Variants in NSD1 observed in about 807,000 individuals in gnomAD.
NSD1 encodes histone-lysine N-methyltransferase, H3 lysine-36 specific.
A neutral mutation model predicts 242.7 loss-of-function variants in NSD1; 26 were observed. The ratio of observed to expected loss-of-function variants is 0.11; its 90% CI spans 0.08 to 0.15. The LOEUF is 0.15. Ranked by LOEUF, NSD1 falls within the 10% of genes least tolerant of loss-of-function variation. The pLI, the probability that NSD1 is intolerant of heterozygous loss-of-function variation, is 1.00. For missense variants in NSD1, 2,495 were observed against 3,272.8 expected, an observed-to-expected ratio of 0.76 and a Z score of 5.80; for synonymous variants, 1,106 against 1,178.1, an observed-to-expected ratio of 0.94 and a Z score of 1.25.
At position 177,252,800 on chromosome 5, in the gene NSD1, T is replaced by A. The variant is rs1756110251; in HGVS notation, c.4765+947T>A. On this transcript the variant is annotated intron_variant, in intron 12 of 22. Transcript: ENST00000439151. ...TGTTCTCTCGCTCTCTCTCTCCCTTTTTTTTTTTTTTTTCTTAGCATGATG... is the reference window on the plus strand; with the variant it reads ...TGTTCTCTCGCTCTCTCTCTCCCTTATTTTTTTTTTTTTCTTAGCATGATG... Among the ~76,000 whole-genome samples the A allele has an allele frequency of 2.0e-5, 3 of 150,358 alleles. No homozygotes were observed. In the South Asian group the frequency reaches 6.3e-4, roughly 32 times the overall value.
chr5:177,188,931 G>A (rs1365979633), intron 2 of NSD1, among the ~76,000 whole-genome samples: 3 of 152,106 alleles, frequency 2.0e-5, no homozygotes, highest in Non-Finnish European at 4.4e-5. Context: ...ATGTTGGTGA[G>A]CATTGGAACA....
chr5:177,197,521 C>T (rs1322776230), intron 3 of NSD1, among the ~76,000 whole-genome samples: 1 of 152,102 alleles, frequency 6.6e-6, no homozygotes, highest in Admixed American at 6.6e-5. Flanking sequence ...ACTTGGCAGG[C>T]TGAGGCAGGA....
intron 13 of NSD1, among the ~76,000 whole-genome samples, chr5:177,259,286 A>G (rs564212515): frequency 6.6e-6 from 1 of 152,282 alleles, no homozygotes; most frequent in Admixed American, 6.5e-5. Context: ...TCCTGGCCTC[A>G]TGGGTCTCAT....
intron 5 of NSD1, among the ~76,000 whole-genome samples, chr5:177,225,498 G>A (rs1399911844): frequency 6.6e-6 from 1 of 152,044 alleles, no homozygotes; most frequent in African/African-American, 2.4e-5. Context: ...GAACGTGACA[G>A]GTAGTTTCTT....
chr5:177,284,522 A>G (rs1278916726), intron 20 of NSD1, among the ~76,000 whole-genome samples: 1 of 151,976 alleles, frequency 6.6e-6, no homozygotes, highest in Non-Finnish European at 1.5e-5. Context: ...TCCTGGGCTC[A>G]AGTGATCCTC....
intron 20 of NSD1, among the ~76,000 whole-genome samples, chr5:177,288,243 G>A (rs1759493713): frequency 6.6e-6 from 1 of 152,158 alleles, no homozygotes; most frequent in Admixed American, 6.5e-5. Context: ...ACTGCTATGT[G>A]CATTTTGTCA....
Position 177,211,067 on chromosome 5 carries a change from T to G in NSD1, c.2668T>G (p.Phe890Val), listed in dbSNP as rs1763299227. The change falls in exon 5 of 23, where the codon TTC becomes GTC. Residue 890 changes from phenylalanine to valine, a missense_variant. Coordinates refer to ENST00000439151, the MANE Select transcript of NSD1 (RefSeq NM_022455.5). ...GTSKPSKPLL[F>V]SSASSQNHIP... ...ATCAAAGCCATCAAAACCATTACTT[T>G]TCTCTTCTGCTTCTAGTCAGAATCA... 2 of 1,614,212 alleles carry G rather than the reference T, an allele frequency of 1.2e-6. No individual in the cohort carries two copies. Among genetic ancestry groups the G allele is most frequent in the Non-Finnish European group, 1.7e-6 (2 of 1,180,044 alleles).
rs143438585 is a variant in NSD1, at chr5:177,226,223, T to C, written c.3797-9598T>C. On this transcript the variant is annotated intron_variant, in intron 5 of 22. Transcript: ENST00000439151. ...CACCACACCCGGTTAATTTTTGTAT[T>C]TTTGGTAGAGGTGAGGTTTCAGGTT... 3.5e-4 allele frequency among the ~76,000 whole-genome samples: 53 copies of C among 152,178 alleles called. 1 individual carries two copies. In the East Asian group the frequency reaches 0.01, roughly 29 times the overall value.
At chr5:177,237,645 G>T (rs1466111480) in intron 6 of NSD1, among the ~76,000 whole-genome samples, 1 of 146,596 alleles carries the variant, frequency 6.8e-6, no homozygotes, top group African/African-American at 2.5e-5. Flanking sequence ...CCATTCTCCT[G>T]CCTCAGCCTC....
rs1476084958 is a variant in NSD1, at chr5:177,264,151, T to G, written c.5147-3411T>G. 3.3e-5 allele frequency among the ~76,000 whole-genome samples: 5 copies of G among 150,520 alleles called. No homozygotes were observed. The Admixed American group carries it at 3.4e-4, about 10-fold the overall frequency. On this transcript the variant is annotated intron_variant, in intron 14 of 22. Coordinates refer to ENST00000439151, the MANE Select transcript of NSD1 (RefSeq NM_022455.5). ...CCCGGGTTCAAGCGATCCTCCTGCC[T>G]TAGCCTCCTGAGTAGCTGGGACTAC... is the stretch of plus-strand genomic sequence containing the variant.
At chr5:177,232,537 T>G (rs1396417577) in intron 5 of NSD1, among the ~76,000 whole-genome samples, 1 of 152,212 alleles carries the variant, frequency 6.6e-6, no homozygotes, top group African/African-American at 2.4e-5. Flanking sequence ...AAAACTATCC[T>G]TCCATCACCC....
Position 177,283,937 on chromosome 5 carries a change from C to A in NSD1, c.6151+9C>A. The A allele has an allele frequency of 2.5e-6, 4 of 1,614,150 alleles. No individual in the cohort carries two copies. The East Asian group carries it at 6.7e-5, about 27-fold the overall frequency. On this transcript the variant is annotated intron_variant, in intron 20 of 22. Coordinates refer to ENST00000439151, the MANE Select transcript of NSD1 (RefSeq NM_022455.5). ...AAGTGACATTAAAGCAGGTAAGAATCATTTCAGGATTCTGCAGCTGACATC... is the reference window on the plus strand; with the variant it reads ...AAGTGACATTAAAGCAGGTAAGAATAATTTCAGGATTCTGCAGCTGACATC...
chr5:177,146,261 A>G (rs1023096840), intron 2 of NSD1, among the ~76,000 whole-genome samples: 3 of 139,686 alleles, frequency 2.1e-5, no homozygotes, highest in African/African-American at 5.4e-5. Flanking sequence ...GCTAGAGTGC[A>G]GTGGCTCAAT....
chr5:177,218,069 T>C (rs931320776), intron 5 of NSD1, among the ~76,000 whole-genome samples: 2 of 152,030 alleles, frequency 1.3e-5, no homozygotes, highest in Admixed American at 1.3e-4. Context: ...TGCACCACCA[T>C]ACTCCGCTGA....
intron 2 of NSD1, among the ~76,000 whole-genome samples, chr5:177,166,245 T>G (rs994066171): frequency 6.6e-6 from 1 of 152,008 alleles, no homozygotes. Context: ...TTTTCTTTGC[T>G]TCTAAAAGTT....
Position 177,294,402 on chromosome 5 carries a change from T to C in NSD1, c.7034T>C (p.Val2345Ala), listed in dbSNP as rs1164897590. Residue 2345 changes from valine (V) to alanine (A), a missense_variant, in exon 23 of 23, where the codon GTC becomes GCC. Around this residue, in one of 19 missense-constraint regions of NSD1, gnomAD observed 475 missense variants for 563.7 expected, o/e 0.84. Transcript: ENST00000439151. ...ACCAGCCCAAGCTCCTCACCCTCAG[T>C]CAGGTCCCAACCACTGGAAAGACCT... ...PVTSPSSSPS[V>A]RSQPLERPLG... is the part of the protein sequence containing the mutation. 6.2e-7 allele frequency: 1 copy of C among 1,614,134 alleles called. No homozygotes were observed. The highest frequency in any genetic ancestry group is 8.5e-7 in the Non-Finnish European group (1 of 1,180,012).
intron 19 of NSD1, 91 bp downstream of exon 19, chr5:177,282,672 C>T: frequency 1.0e-6 from 1 of 987,690 alleles, no homozygotes; most frequent in Middle Eastern, 2.1e-4. Flanking sequence ...AACGCAGTTC[C>T]CAAGGTAGGG....
intron 2 of NSD1, among the ~76,000 whole-genome samples, chr5:177,165,479 C>A (rs1241895671): frequency 6.6e-6 from 1 of 152,022 alleles, no homozygotes; most frequent in Non-Finnish European, 1.5e-5. Context: ...ATTCAATTTG[C>A]CTTTTTTTTA....
chr5:177,189,404 T>C (rs974481298), intron 2 of NSD1, among the ~76,000 whole-genome samples: 2 of 152,206 alleles, frequency 1.3e-5, no homozygotes, highest in African/African-American at 4.8e-5. Context: ...TGATTATACT[T>C]CCAAAAATAC....
Sources: gnomAD v4.1 joint callset for allele counts (sites outside exome capture counted in the v4.1 genomes callset) on GRCh38, gnomAD v4.1.1 for gene constraint, gnomAD v4.1.1 regional missense constraint, MANE v1.5 for transcripts, NCBI Gene and HGNC (gene_info 2026-07-23, HGNC 2026-07-21) for gene names.